KHDRBS2: variants seen among roughly 807,000 people sequenced by gnomAD.
KHDRBS2 encodes KH RNA binding domain containing, signal transduction associated 2, also known as KH domain-containing, RNA-binding, signal transduction-associated protein 2.
KHDRBS2 carries 26 observed loss-of-function variants against 44.3 expected under a neutral mutation model. The observed-to-expected ratio is 0.59, with a 90% CI of 0.43 to 0.81. The LOEUF is 0.81. Among genes scored for constraint, KHDRBS2 ranks in the 40% least tolerant of loss-of-function variants. The probability of loss-of-function intolerance (pLI) is 0.00; values close to 1 mark genes in which losing one functional copy is unlikely to be tolerated. For missense variants in KHDRBS2, 476 were observed against 433.1 expected (o/e 1.10, Z -0.88); for synonymous variants, 194 against 151.1 (o/e 1.28, Z -2.08).
intron 6 of KHDRBS2, among the ~76,000 whole-genome samples, chr6:61,827,479 C>G (rs1026453692): frequency 1.3e-5 from 2 of 152,116 alleles, no homozygotes; most frequent in African/African-American, 4.8e-5. Flanking sequence ...CAGGATGTTC[C>G]TGCTAAAAGA....
At chr6:61,580,468 A>G in the KHDRBS2 span, among the ~76,000 whole-genome samples, 1,946 of 152,218 alleles carry the variant, frequency 0.013, 44 homozygotes, top group African/African-American at 0.045. Context: ...GTCCCCTTCC[A>G]TGCTGTGGAA....
chr6:61,553,266 C>A, the KHDRBS2 span, among the ~76,000 whole-genome samples: 8 of 152,022 alleles, frequency 5.3e-5, no homozygotes, highest in Admixed American at 5.2e-4. Context: ...TCCATTTATC[C>A]TACATTTTTT....
rs368684344 is a variant in KHDRBS2 at position 61,815,089 on chromosome 6, C to T, written c.810+79546G>A. ...TGTACATGTTTAGTACAGGCACAAC[C>T]ACTCATTTTTTTTTTTCAAATATTT... is the stretch of plus-strand genomic sequence containing the variant. On this transcript the variant is annotated intron_variant, in intron 6 of 8. Transcript: ENST00000281156. 2.4e-3 allele frequency among the ~76,000 whole-genome samples: 364 copies of T among 151,902 alleles called. 2 individuals are homozygous for T. Among genetic ancestry groups the T allele is most frequent in the African/African-American group, 8.0e-3 (332 of 41,440 alleles).
At position 61,956,085 on chromosome 6, in the gene KHDRBS2, C is replaced by T. The variant is rs1346607262; in HGVS notation, c.483+21981G>A. Among the ~76,000 whole-genome samples, 4 of 151,810 alleles carry T rather than the reference C, an allele frequency of 2.6e-5. No homozygotes were observed. In the East Asian group the frequency reaches 7.8e-4, roughly 30 times the overall value. Reference sequence around the variant, plus strand: ...GTGTGCGTCTGTATTCCCAGCTATTCGGGGAGGCTGAGGCAGGAGAATCAC... The same window carrying T: ...GTGTGCGTCTGTATTCCCAGCTATTTGGGGAGGCTGAGGCAGGAGAATCAC... On this transcript the variant is annotated intron_variant, in intron 4 of 8. Coordinates refer to ENST00000281156, the MANE Select transcript of KHDRBS2 (RefSeq NM_152688.4).
At chr6:62,068,890 A>G (rs1186689613) in intron 2 of KHDRBS2, among the ~76,000 whole-genome samples, 1 of 151,694 alleles carries the variant, frequency 6.6e-6, no homozygotes, top group Non-Finnish European at 1.5e-5. Context: ...ACCATCTTGA[A>G]TATTGTAGCT....
chr6:61,765,058 C>A (rs763441546), intron 6 of KHDRBS2, among the ~76,000 whole-genome samples: 8 of 152,090 alleles, frequency 5.3e-5, no homozygotes, highest in Non-Finnish European at 1.2e-4. Context: ...TTACGAAAGT[C>A]ACTTCTCAGT....
intron 6 of KHDRBS2, among the ~76,000 whole-genome samples, chr6:61,881,832 G>A (rs556705171): frequency 5.3e-5 from 8 of 151,938 alleles, no homozygotes; most frequent in African/African-American, 7.2e-5. Flanking sequence ...GCTCTGTACC[G>A]GTGCAGAACA....
intron 4 of KHDRBS2, among the ~76,000 whole-genome samples, chr6:61,901,933 A>C (rs191965144): frequency 6.6e-6 from 1 of 152,132 alleles, no homozygotes; most frequent in East Asian, 1.9e-4. Flanking sequence ...GATGTGAAAT[A>C]TTTATTTATT....
chr6:62,268,496 A>G (rs1839557508), intron 1 of KHDRBS2, among the ~76,000 whole-genome samples: 2 of 152,110 alleles, frequency 1.3e-5, no homozygotes, highest in African/African-American at 2.4e-5. Flanking sequence ...AAGATGAGCT[A>G]TCATCGTGGA....
chr6:61,714,846 T>C (rs995559208), intron 7 of KHDRBS2, among the ~76,000 whole-genome samples: 1 of 151,766 alleles, frequency 6.6e-6, no homozygotes, highest in Non-Finnish European at 1.5e-5. Flanking sequence ...CTAAATAATA[T>C]GTACCCATGG....
At chr6:61,729,725 G>C (rs560293993) in intron 7 of KHDRBS2, among the ~76,000 whole-genome samples, 64 of 151,946 alleles carry the variant, frequency 4.2e-4, no homozygotes, top group Non-Finnish European at 8.2e-4. Flanking sequence ...ACTCTTATTT[G>C]CAATTTGTAT....
At chr6:62,092,288 G>A (rs983947353) in intron 2 of KHDRBS2, among the ~76,000 whole-genome samples, 7 of 151,932 alleles carry the variant, frequency 4.6e-5, no homozygotes, top group Non-Finnish European at 1.0e-4. Flanking sequence ...GTACCACAAA[G>A]AGACCTATCA....
intron 1 of KHDRBS2, among the ~76,000 whole-genome samples, chr6:62,278,502 C>T (rs1473490724): frequency 6.6e-6 from 1 of 152,046 alleles, no homozygotes; most frequent in Non-Finnish European, 1.5e-5. Flanking sequence ...ATGAATTTAT[C>T]GTGGTCATGC....
the KHDRBS2 span, among the ~76,000 whole-genome samples, chr6:61,591,732 C>A: frequency 6.6e-6 from 1 of 152,232 alleles, no homozygotes. Flanking sequence ...ACCCATAAAA[C>A]AATTTAAGTC....
At chr6:61,639,947 A>G in the KHDRBS2 span, among the ~76,000 whole-genome samples, 1 of 152,086 alleles carries the variant, frequency 6.6e-6, no homozygotes, top group Non-Finnish European at 1.5e-5. Flanking sequence ...ATATGTACAG[A>G]CATAGTAACC....
chr6:61,696,389 G>A (rs1396528690), intron 8 of KHDRBS2, among the ~76,000 whole-genome samples: 2 of 152,006 alleles, frequency 1.3e-5, no homozygotes, highest in East Asian at 3.9e-4. Context: ...CCGAGTAGCT[G>A]AGATTACAGG....
intron 6 of KHDRBS2, among the ~76,000 whole-genome samples, chr6:61,806,237 A>T (rs2127591198): frequency 6.6e-6 from 1 of 152,282 alleles, no homozygotes; most frequent in Non-Finnish European, 1.5e-5. Context: ...AAGATGATAC[A>T]GCCTTCACCT....
intron 1 of KHDRBS2, among the ~76,000 whole-genome samples, chr6:62,260,020 G>C (rs1198984230): frequency 6.6e-6 from 1 of 151,932 alleles, no homozygotes; most frequent in East Asian, 1.9e-4. Flanking sequence ...CTGCTGTCAG[G>C]AAGGCCATGT....
At chr6:62,153,813 T>C (rs1394602710) in intron 2 of KHDRBS2, among the ~76,000 whole-genome samples, 55 of 152,200 alleles carry the variant, frequency 3.6e-4, no homozygotes, top group Admixed American at 3.5e-3. Context: ...AGGGAGATTC[T>C]TTGGCTCCCC....
Sources: gnomAD v4.1 joint callset for allele counts (sites outside exome capture counted in the v4.1 genomes callset) on GRCh38, gnomAD v4.1.1 for gene constraint, MANE v1.5 for transcripts, NCBI Gene and HGNC (gene_info 2026-07-23, HGNC 2026-07-21) for gene names.